The following ASIC2 variants were observed in gnomAD, a reference collection of about 807,000 sequenced individuals.
ASIC2 encodes the protein acid-sensing ion channel 2.
In ASIC2, 25 loss-of-function variants were observed where a neutral mutation model predicts 57.3. The ratio of observed to expected loss-of-function variants is 0.44; its 90% CI spans 0.32 to 0.61. The LOEUF (loss-of-function observed/expected upper bound fraction) is 0.61. ASIC2 is among the 20% of genes least tolerant of loss of function. The pLI is 0.06. For missense variants in ASIC2, 641 were observed against 738.1 expected, an observed-to-expected ratio of 0.87 and a Z score of 1.52; for synonymous variants, 319 against 307.5, an observed-to-expected ratio of 1.04 and a Z score of -0.39.
At chr17:33,014,160 C>T (rs112964939) in intron 9 of ASIC2, 94 bp from the exon 10 acceptor site, 20 of 974,206 alleles carry the variant, frequency 2.1e-5, no homozygotes, top group Admixed American at 6.0e-5. Context: ...GGGGAAGGTG[C>T]TCCCCACTTG....
intron 1 of ASIC2, among the ~76,000 whole-genome samples, chr17:34,032,528 T>A (rs1245986256): frequency 3.3e-5 from 5 of 152,182 alleles, no homozygotes; most frequent in Admixed American, 1.3e-4. Flanking sequence ...ACTTTAAATG[T>A]AAATGGGCTA....
intron 1 of ASIC2, among the ~76,000 whole-genome samples, chr17:33,898,119 T>C (rs1349773189): frequency 6.6e-6 from 1 of 151,626 alleles, no homozygotes; most frequent in Non-Finnish European, 1.5e-5. Flanking sequence ...CCAGGGGAGG[T>C]GCTCTGCCCA....
intron 1 of ASIC2, among the ~76,000 whole-genome samples, chr17:33,250,678 A>G (rs1482967070): frequency 6.6e-6 from 1 of 152,234 alleles, no homozygotes; most frequent in Non-Finnish European, 1.5e-5. Flanking sequence ...TTAAACAGAA[A>G]AGCCTTGCAT....
At chr17:34,035,405 G>A (rs901053360) in intron 1 of ASIC2, among the ~76,000 whole-genome samples, 17 of 146,850 alleles carry the variant, frequency 1.2e-4, no homozygotes, top group South Asian at 6.6e-4. Context: ...AGACTTAAAC[G>A]TTAGACCTAA....
At chr17:34,117,084 T>TC (rs1288407285) in intron 1 of ASIC2, among the ~76,000 whole-genome samples, 2 of 151,686 alleles carry the variant, frequency 1.3e-5, no homozygotes, top group Non-Finnish European at 2.9e-5. Context: ...ACACACAGGT[T>TC]ACTGTCAGAC....
At chr17:34,118,096 T>A (rs1598035288) in intron 1 of ASIC2, among the ~76,000 whole-genome samples, 1 of 152,164 alleles carries the variant, frequency 6.6e-6, no homozygotes, top group South Asian at 2.1e-4. Context: ...GCATAGTGAT[T>A]AAGAGCTTAA....
chr17:33,372,309 A>C (rs969249651), intron 1 of ASIC2, among the ~76,000 whole-genome samples: 7 of 152,034 alleles, frequency 4.6e-5, no homozygotes, highest in African/African-American at 1.4e-4. Flanking sequence ...CTCTGCTGGC[A>C]GTGAAAAAGC....
chr17:33,615,508 G>C (rs1355741269), intron 1 of ASIC2, among the ~76,000 whole-genome samples: 1 of 152,160 alleles, frequency 6.6e-6, no homozygotes, highest in East Asian at 1.9e-4. Context: ...CAAAAATGAA[G>C]ACTTCTAAGG....
At chr17:33,655,508 C>G (rs1184256780) in intron 1 of ASIC2, among the ~76,000 whole-genome samples, 1 of 152,244 alleles carries the variant, frequency 6.6e-6, no homozygotes, top group Non-Finnish European at 1.5e-5. Flanking sequence ...CTGCTCCAAA[C>G]ACTGACACTG....
chr17:34,129,323 G>A (rs1056989533), intron 1 of ASIC2, among the ~76,000 whole-genome samples: 1 of 152,114 alleles, frequency 6.6e-6, no homozygotes, highest in Non-Finnish European at 1.5e-5. Context: ...CTCACTCTGA[G>A]GCCAAACTCT....
intron 1 of ASIC2, among the ~76,000 whole-genome samples, chr17:33,243,176 G>A (rs1908572753): frequency 6.6e-6 from 1 of 152,144 alleles, no homozygotes; most frequent in Non-Finnish European, 1.5e-5. Flanking sequence ...TGGACACAAT[G>A]TTTTCTTAAT....
chr17:33,074,014 T>A (rs1487219910), intron 3 of ASIC2, among the ~76,000 whole-genome samples: 2 of 152,122 alleles, frequency 1.3e-5, no homozygotes, highest in African/African-American at 4.8e-5. Flanking sequence ...AGCAGGTGTG[T>A]GTGTTTGCTT....
At chr17:33,030,658 A>G (rs1430261105) in intron 3 of ASIC2, among the ~76,000 whole-genome samples, 4 of 152,052 alleles carry the variant, frequency 2.6e-5, no homozygotes, top group South Asian at 4.1e-4. Context: ...TTTTTCTTAG[A>G]TGTGCTTGTC....
chr17:33,237,088 A>G (rs1189671450), intron 1 of ASIC2, among the ~76,000 whole-genome samples: 1 of 152,158 alleles, frequency 6.6e-6, no homozygotes, highest in Non-Finnish European at 1.5e-5. Context: ...TCCCATTTTG[A>G]TACAGGGACA....
intron 1 of ASIC2, among the ~76,000 whole-genome samples, chr17:33,641,132 A>G (rs1333089530): frequency 1.3e-5 from 2 of 152,080 alleles, no homozygotes; most frequent in African/African-American, 4.8e-5. Context: ...TCCTCTCTCC[A>G]TGGAGACATC....
chr17:33,127,732 T>A (rs1424255519), intron 1 of ASIC2, among the ~76,000 whole-genome samples: 2 of 152,170 alleles, frequency 1.3e-5, no homozygotes, highest in Admixed American at 1.3e-4. Context: ...GCTGCTCATC[T>A]CTTACCTGGT....
At chr17:33,045,417 G>A (rs758667852) in intron 3 of ASIC2, among the ~76,000 whole-genome samples, 1 of 152,190 alleles carries the variant, frequency 6.6e-6, no homozygotes, top group Non-Finnish European at 1.5e-5. Flanking sequence ...AATTGCCTCC[G>A]TGTATGATTT....
intron 1 of ASIC2, among the ~76,000 whole-genome samples, chr17:33,544,010 T>C (rs778318691): frequency 6.6e-6 from 1 of 152,242 alleles, no homozygotes; most frequent in Non-Finnish European, 1.5e-5. Context: ...GAATTCCCTT[T>C]TGGCCCTTTG....
chr17:33,200,433 C>T (rs1050467025), intron 1 of ASIC2, among the ~76,000 whole-genome samples: 3 of 152,190 alleles, frequency 2.0e-5, no homozygotes, highest in African/African-American at 7.2e-5. Flanking sequence ...TGCCCACTTA[C>T]AAATCTCACT....
Sources: gnomAD v4.1 joint callset for allele counts (sites outside exome capture counted in the v4.1 genomes callset) on GRCh38, gnomAD v4.1.1 for gene constraint, MANE v1.5 for transcripts, NCBI Gene and HGNC (gene_info 2026-07-23, HGNC 2026-07-21) for gene names.